Variants in ARHGAP24 observed in about 807,000 individuals in gnomAD.
ARHGAP24 encodes Rho GTPase activating protein 24.
In ARHGAP24, 50 loss-of-function variants were observed where a neutral mutation model predicts 76.4. The observed-to-expected ratio is 0.65, with a 90% CI of 0.52 to 0.83. ARHGAP24 has a LOEUF of 0.83. ARHGAP24 is among the 40% of genes least tolerant of loss of function. The pLI is 0.00. For missense variants in ARHGAP24, 930 were observed against 914.2 expected (o/e 1.02, Z -0.22); for synonymous variants, 345 against 323.3 (o/e 1.07, Z -0.72).
intron 2 of ARHGAP24, among the ~76,000 whole-genome samples, chr4:85,673,296 C>G (rs779031569): frequency 1.1e-4 from 16 of 152,182 alleles, no homozygotes; most frequent in Non-Finnish European, 2.2e-4. Context: ...AGAAAGCTCT[C>G]AAGGTGTCCC....
intron 2 of ARHGAP24, among the ~76,000 whole-genome samples, chr4:85,665,725 T>C (rs1180879654): frequency 1.3e-5 from 2 of 152,246 alleles, no homozygotes; most frequent in African/African-American, 4.8e-5. Context: ...GACAAAAATC[T>C]CTCAGCATTT....
intron 3 of ARHGAP24, among the ~76,000 whole-genome samples, chr4:85,783,651 A>C (rs1272668273): frequency 6.6e-6 from 1 of 152,130 alleles, no homozygotes; most frequent in Non-Finnish European, 1.5e-5. Context: ...TCAATCATGT[A>C]CCCCATTCTC....
chr4:85,767,877 ATATAATGC>A (rs1158728340), intron 3 of ARHGAP24, among the ~76,000 whole-genome samples: 1 of 152,214 alleles, frequency 6.6e-6, no homozygotes, highest in Non-Finnish European at 1.5e-5. Context: ...ATGTTTGTAT[ATATAATGC>A]TACAATGCGT....
At chr4:85,726,399 G>C (rs1484577156) in intron 3 of ARHGAP24, among the ~76,000 whole-genome samples, 1 of 152,168 alleles carries the variant, frequency 6.6e-6, no homozygotes, top group Admixed American at 6.5e-5. Flanking sequence ...CTGCAAGAAA[G>C]TGAGGAAAGC....
intron 5 of ARHGAP24, among the ~76,000 whole-genome samples, chr4:85,970,843 T>C (rs971826454): frequency 6.6e-6 from 1 of 152,150 alleles, no homozygotes; most frequent in African/African-American, 2.4e-5. Context: ...TTGCTTATTC[T>C]CCCCTGAAAT....
At chr4:85,575,629 A>G (rs1253709637) in intron 2 of ARHGAP24, among the ~76,000 whole-genome samples, 1 of 152,216 alleles carries the variant, frequency 6.6e-6, no homozygotes, top group Non-Finnish European at 1.5e-5. Flanking sequence ...GGCCTTGTCA[A>G]TACAATAACA....
At chr4:85,595,361 G>A (rs747628277) in intron 2 of ARHGAP24, among the ~76,000 whole-genome samples, 2 of 151,990 alleles carry the variant, frequency 1.3e-5, no homozygotes, top group Non-Finnish European at 2.9e-5. Flanking sequence ...ATAACATAAA[G>A]CACTCAACTA....
At chr4:85,595,562 C>T (rs1247228173) in intron 2 of ARHGAP24, among the ~76,000 whole-genome samples, 1 of 151,972 alleles carries the variant, frequency 6.6e-6, no homozygotes, top group Non-Finnish European at 1.5e-5. Flanking sequence ...TCCTTCTTTT[C>T]CTTTGAGGAT....
intron 3 of ARHGAP24, among the ~76,000 whole-genome samples, chr4:85,862,461 C>T (rs1019063893): frequency 6.6e-6 from 1 of 152,028 alleles, no homozygotes; most frequent in Admixed American, 6.6e-5. Flanking sequence ...GTTACAGGCA[C>T]ATACTCCTAA....
chr4:85,718,850 T>C (rs145462605), intron 2 of ARHGAP24, among the ~76,000 whole-genome samples: 3 of 152,312 alleles, frequency 2.0e-5, no homozygotes, highest in Middle Eastern at 6.8e-3. Flanking sequence ...AAGGATAGCA[T>C]TACTTGGAGT....
intron 2 of ARHGAP24, among the ~76,000 whole-genome samples, chr4:85,691,799 ACT>A (rs1723671449): frequency 6.6e-6 from 1 of 151,934 alleles, no homozygotes. Flanking sequence ...CCAGTTTGCC[ACT>A]CTGTGTCTTT....
intron 2 of ARHGAP24, among the ~76,000 whole-genome samples, chr4:85,615,654 G>C (rs1720517053): frequency 6.6e-6 from 1 of 152,058 alleles, no homozygotes; most frequent in South Asian, 2.1e-4. Context: ...ATAACTCTAT[G>C]ATATATAATT....
At chr4:85,588,338 G>A (rs910993871) in intron 2 of ARHGAP24, among the ~76,000 whole-genome samples, 2 of 152,208 alleles carry the variant, frequency 1.3e-5, no homozygotes, top group Non-Finnish European at 2.9e-5. Context: ...GTTGTTTTAA[G>A]AGAAAATAAA....
chr4:85,541,385 C>T (rs1272991151), intron 1 of ARHGAP24, among the ~76,000 whole-genome samples: 1 of 120,902 alleles, frequency 8.3e-6, no homozygotes, highest in African/African-American at 6.4e-5. Context: ...GATCTCCTGA[C>T]CTCGTGATCC....
At chr4:85,780,244 G>A (rs990277281) in intron 3 of ARHGAP24, among the ~76,000 whole-genome samples, 1 of 151,926 alleles carries the variant, frequency 6.6e-6, no homozygotes, top group South Asian at 2.1e-4. Context: ...CACGCTCTTG[G>A]CTCACTGCAA....
chr4:85,838,619 C>T (rs1313248415), intron 3 of ARHGAP24, among the ~76,000 whole-genome samples: 1 of 152,180 alleles, frequency 6.6e-6, no homozygotes, highest in African/African-American at 2.4e-5. Context: ...GCCAAAATAA[C>T]TACTGCAAAA....
intron 2 of ARHGAP24, among the ~76,000 whole-genome samples, chr4:85,646,634 CTATA>C (rs920367770): frequency 1.3e-5 from 2 of 151,984 alleles, no homozygotes; most frequent in African/African-American, 4.8e-5. Flanking sequence ...ATCCAATTAA[CTATA>C]TTTATTTAAC....
intron 8 of ARHGAP24, among the ~76,000 whole-genome samples, chr4:85,984,601 G>T (rs1204247402): frequency 1.2e-4 from 18 of 152,150 alleles, no homozygotes; most frequent in Non-Finnish European, 4.4e-5. Flanking sequence ...CAAACATTCA[G>T]TCTTTAGCAG....
At chr4:85,503,201 G>A (rs962567029) in intron 1 of ARHGAP24, among the ~76,000 whole-genome samples, 3 of 152,164 alleles carry the variant, frequency 2.0e-5, no homozygotes, top group Admixed American at 6.5e-5. Flanking sequence ...GTCTCTGCCA[G>A]GCTTTCGTAT....
Sources: allele counts gnomAD v4.1 joint callset (sites outside exome capture counted in the v4.1 genomes callset), GRCh38; gene constraint gnomAD v4.1.1; transcripts MANE v1.5; gene names NCBI Gene and HGNC (gene_info 2026-07-23, HGNC 2026-07-21).